Variants in SAMMSON observed in about 807,000 individuals in gnomAD.
The protein encoded by SAMMSON is long intergenic non-protein coding RNA 1212.
intron 4 of SAMMSON, among the ~76,000 whole-genome samples, chr3:70,135,500 C>G (rs1036009505): frequency 1.3e-5 from 2 of 152,026 alleles, no homozygotes; most frequent in East Asian, 3.9e-4. Flanking sequence ...AGCAGAAATA[C>G]CTTAATGCAA....
chr3:70,266,267 TTTAA>T (rs1319358279), intron 6 of SAMMSON, among the ~76,000 whole-genome samples: 1 of 151,970 alleles, frequency 6.6e-6, no homozygotes, highest in Non-Finnish European at 1.5e-5. Context: ...ATGACTTATA[TTTAA>T]TTATGTACTT....
intron 4 of SAMMSON, among the ~76,000 whole-genome samples, chr3:70,170,457 A>C (rs1222522153): frequency 2.6e-5 from 4 of 151,822 alleles, no homozygotes; most frequent in Non-Finnish European, 4.4e-5. Context: ...CATTAATTAT[A>C]CAGAAAATCA....
At chr3:70,003,330 G>C (rs2066913511) in intron 1 of SAMMSON, among the ~76,000 whole-genome samples, 1 of 151,904 alleles carries the variant, frequency 6.6e-6, no homozygotes. Flanking sequence ...TACATTTATA[G>C]TTAATGTAAT....
At chr3:70,284,230 T>C (rs1702117584) in intron 6 of SAMMSON, among the ~76,000 whole-genome samples, 1 of 152,196 alleles carries the variant, frequency 6.6e-6, no homozygotes, top group Non-Finnish European at 1.5e-5. Flanking sequence ...AATGTGTTAA[T>C]AGTAATTAGG....
At chr3:70,431,713 A>C (rs1701413728) in intron 2 of SAMMSON, among the ~76,000 whole-genome samples, 1 of 152,026 alleles carries the variant, frequency 6.6e-6, no homozygotes, top group Non-Finnish European at 1.5e-5. Context: ...CAAGATATAG[A>C]ATATTTCCCA....
chr3:70,164,953 A>G (rs1374751871), intron 4 of SAMMSON, among the ~76,000 whole-genome samples: 1 of 152,100 alleles, frequency 6.6e-6, no homozygotes, highest in East Asian at 1.9e-4. Context: ...AATATTTTGA[A>G]GAAACAGTGC....
chr3:70,034,077 G>T (rs577641643), intron 3 of SAMMSON, among the ~76,000 whole-genome samples: 4 of 152,092 alleles, frequency 2.6e-5, no homozygotes, highest in Admixed American at 2.0e-4. Flanking sequence ...ATTAACTTTT[G>T]TACTGGATAC....
chr3:70,407,457 T>TCC (rs1701185690), intron 2 of SAMMSON, among the ~76,000 whole-genome samples: 1 of 152,152 alleles, frequency 6.6e-6, no homozygotes, highest in African/African-American at 2.4e-5. Flanking sequence ...CAGGTATTGG[T>TCC]AAATACAGCC....
rs117095801 is a variant in SAMMSON, at chr3:70,189,236, G to C, written n.508-59871G>C. ...ACAGGAATTTTTTTTTGCATAGATG[G>C]TATTAGTTATAAAATTTATGCTAGT... On this transcript the variant is annotated intron_variant and non_coding_transcript_variant, in intron 4 of 9. Transcript: ENST00000642114. Among the ~76,000 whole-genome samples the C allele has an allele frequency of 3.5e-4, 53 of 152,214 alleles. No homozygotes were observed. In the East Asian group the frequency reaches 9.9e-3, roughly 28 times the overall value.
chr3:70,305,252 A>G (rs2106704919), intron 7 of SAMMSON, among the ~76,000 whole-genome samples: 1 of 152,328 alleles, frequency 6.6e-6, no homozygotes, highest in East Asian at 1.9e-4. Flanking sequence ...CTTAAAAACA[A>G]AACTACTTTC....
intron 1 of SAMMSON, among the ~76,000 whole-genome samples, chr3:70,007,852 G>C (rs1338038696): frequency 1.3e-5 from 2 of 152,092 alleles, no homozygotes; most frequent in Admixed American, 6.6e-5. Flanking sequence ...TCCAGTTTCA[G>C]CTTTCTACAT....
At chr3:70,285,052 C>A (rs971183773) in intron 6 of SAMMSON, among the ~76,000 whole-genome samples, 1 of 146,050 alleles carries the variant, frequency 6.8e-6, no homozygotes, top group Non-Finnish European at 1.5e-5. Context: ...TTTTTTTTAA[C>A]TTTTTTTTTC....
At chr3:70,150,874 A>G (rs193004287) in intron 4 of SAMMSON, among the ~76,000 whole-genome samples, 1 of 152,178 alleles carries the variant, frequency 6.6e-6, no homozygotes, top group Admixed American at 6.6e-5. Context: ...GCTACAAATA[A>G]CAAATATCCA....
chr3:70,382,918 G>T (rs192996657), intron 9 of SAMMSON, among the ~76,000 whole-genome samples: 1 of 152,236 alleles, frequency 6.6e-6, no homozygotes, highest in African/African-American at 2.4e-5. Context: ...GGGAAAATTT[G>T]AGACAAAGAG....
intron 8 of SAMMSON, among the ~76,000 whole-genome samples, chr3:70,355,417 T>C (rs1702822407): frequency 6.6e-6 from 1 of 152,044 alleles, no homozygotes; most frequent in African/African-American, 2.4e-5. Context: ...ATTAGAATCC[T>C]CATTCATACC....
intron 3 of SAMMSON, among the ~76,000 whole-genome samples, chr3:70,019,256 C>A (rs1275558518): frequency 6.6e-6 from 1 of 152,160 alleles, no homozygotes; most frequent in Non-Finnish European, 1.5e-5. Context: ...CTTTATGAAT[C>A]TGGGTGCTCC....
chr3:70,429,676 C>T (rs1024532586), intron 2 of SAMMSON, among the ~76,000 whole-genome samples: 1 of 152,112 alleles, frequency 6.6e-6, no homozygotes. Context: ...TTGAAGAGGT[C>T]CTTCACATCC....
intron 4 of SAMMSON, among the ~76,000 whole-genome samples, chr3:70,106,770 G>A (rs542807501): frequency 1.3e-5 from 2 of 152,234 alleles, no homozygotes; most frequent in African/African-American, 2.4e-5. Flanking sequence ...TGGTCATTGC[G>A]ATCATCAACA....
At chr3:70,248,081 G>A (rs1215607680) in intron 4 of SAMMSON, among the ~76,000 whole-genome samples, 1 of 151,994 alleles carries the variant, frequency 6.6e-6, no homozygotes, top group East Asian at 1.9e-4. Context: ...CATTTATTGA[G>A]TATGTATTAA....
Sources: gnomAD v4.1 joint callset for allele counts (sites outside exome capture counted in the v4.1 genomes callset) on GRCh38, gnomAD v4.1.1 for gene constraint, MANE v1.5 for transcripts, NCBI Gene and HGNC (gene_info 2026-07-23, HGNC 2026-07-21) for gene names.